STXBP5L: variants seen among roughly 807,000 people sequenced by gnomAD.
STXBP5L encodes the protein syntaxin-binding protein 5-like.
A neutral mutation model predicts 144.5 loss-of-function variants in STXBP5L; 65 were observed. That is an observed-to-expected ratio of 0.45 (90% confidence interval 0.37 to 0.55). The LOEUF (loss-of-function observed/expected upper bound fraction) is 0.55. Among genes scored for constraint, STXBP5L ranks in the 20% least tolerant of loss-of-function variants. STXBP5L has a pLI of 0.00. For synonymous variants in STXBP5L, 505 were observed against 469.6 expected, an observed-to-expected ratio of 1.08 and a Z score of -0.97; for missense variants, 1,298 against 1,405.5, an observed-to-expected ratio of 0.92 and a Z score of 1.22.
intron 7 of STXBP5L, among the ~76,000 whole-genome samples, chr3:121,123,190 A>T (rs1358291986): frequency 6.6e-6 from 1 of 151,552 alleles, no homozygotes; most frequent in Non-Finnish European, 1.5e-5. Flanking sequence ...AAAAATATTA[A>T]TTTTAAAATA....
intron 19 of STXBP5L, among the ~76,000 whole-genome samples, chr3:121,306,511 GC>G (rs2043341644): frequency 1.3e-5 from 2 of 152,112 alleles, no homozygotes. Context: ...TTTGCCCAAG[GC>G]CCAGACTAGT....
chr3:121,237,232 G>A (rs338980), intron 12 of STXBP5L, among the ~76,000 whole-genome samples: 14 of 152,108 alleles, frequency 9.2e-5, no homozygotes, highest in African/African-American at 3.1e-4. Context: ...AGCCTCCATG[G>A]CTCTTGTGTT....
At chr3:120,938,866 G>T (rs923959254) in intron 2 of STXBP5L, among the ~76,000 whole-genome samples, 14 of 151,972 alleles carry the variant, frequency 9.2e-5, no homozygotes, top group African/African-American at 3.4e-4. Context: ...CTGCAGTGTC[G>T]AACTCCTGGG....
At chr3:121,398,988 C>T (rs1369759070) in intron 22 of STXBP5L, among the ~76,000 whole-genome samples, 2 of 151,972 alleles carry the variant, frequency 1.3e-5, no homozygotes, top group African/African-American at 2.4e-5. Context: ...ACCCAGTGTC[C>T]TCCGGAAAAG....
chr3:121,057,063 G>A (rs1948513124), intron 5 of STXBP5L, among the ~76,000 whole-genome samples: 1 of 151,160 alleles, frequency 6.6e-6, no homozygotes, highest in Non-Finnish European at 1.5e-5. Flanking sequence ...TTATAAAGAA[G>A]GAAGAAAGCA....
At chr3:121,153,056 A>G (rs1457122855) in intron 8 of STXBP5L, among the ~76,000 whole-genome samples, 1 of 152,080 alleles carries the variant, frequency 6.6e-6, no homozygotes, top group African/African-American at 2.4e-5. Flanking sequence ...AATTTTGTAA[A>G]TAGTAATACT....
intron 3 of STXBP5L, among the ~76,000 whole-genome samples, chr3:121,006,399 T>G (rs180958280): frequency 4.0e-4 from 61 of 152,294 alleles, no homozygotes; most frequent in Admixed American, 1.6e-3. Flanking sequence ...GTTTTCCATT[T>G]GCTTGGTAGA....
chr3:121,389,422 G>C (rs143632524), intron 22 of STXBP5L, among the ~76,000 whole-genome samples: 39 of 152,252 alleles, frequency 2.6e-4, no homozygotes, highest in Non-Finnish European at 5.6e-4. Context: ...CTTGCCTTCT[G>C]TTAGCTTTTG....
At chr3:121,196,858 T>TGATG (rs144147521) in intron 9 of STXBP5L, among the ~76,000 whole-genome samples, 1 of 151,354 alleles carries the variant, frequency 6.6e-6, no homozygotes, top group Non-Finnish European at 1.5e-5. Flanking sequence ...ATTGATTGAT[T>TGATG]GATTGATTGA....
chr3:121,308,425 C>A (rs1056005428), intron 19 of STXBP5L, among the ~76,000 whole-genome samples: 1 of 150,150 alleles, frequency 6.7e-6, no homozygotes, highest in Non-Finnish European at 1.5e-5. Flanking sequence ...AGAAAGTGAA[C>A]CTAGATTGTA....
intron 5 of STXBP5L, among the ~76,000 whole-genome samples, chr3:121,051,390 C>A (rs1198371618): frequency 6.6e-6 from 1 of 152,162 alleles, no homozygotes; most frequent in East Asian, 1.9e-4. Flanking sequence ...AACTGTCTCT[C>A]AGACAACAGT....
At position 121,257,278 on chromosome 3, in the gene STXBP5L, A is replaced by G. The variant is rs2050238804; in HGVS notation, c.1777A>G (p.Ser593Gly). 1.9e-6 allele frequency: 3 copies of G among 1,613,780 alleles called. No homozygotes were observed. Among genetic ancestry groups the G allele is most frequent in the Non-Finnish European group, 2.5e-6 (3 of 1,179,762 alleles). ...TCCTTCTTCAAGGAGTCTTTCTGGG[A>G]GCACTAACACTGTTGCTAGTGAAGG... ...QLPSSRSLSG[S>G]TNTVASEGVT... Residue 593 changes from serine to glycine, a missense_variant, in exon 17 of 27, where the codon AGC becomes GGC. Physicochemically the swap from Ser to Gly is moderately conservative, Grantham distance 56. Coordinates refer to ENST00000471454, the MANE Select transcript of STXBP5L (RefSeq NM_001308330.2).
intron 20 of STXBP5L, among the ~76,000 whole-genome samples, chr3:121,322,218 C>T (rs1456159988): frequency 6.6e-6 from 1 of 152,158 alleles, no homozygotes; most frequent in Non-Finnish European, 1.5e-5. Context: ...GTGGCTCACG[C>T]CTGTAATCTC....
At chr3:121,012,407 T>C (rs890760936) in intron 3 of STXBP5L, among the ~76,000 whole-genome samples, 4 of 151,846 alleles carry the variant, frequency 2.6e-5, no homozygotes, top group African/African-American at 7.2e-5. Flanking sequence ...TCCAAAAAGG[T>C]TGCATGGTTT....
At chr3:121,097,438 G>T (rs114079786) in intron 5 of STXBP5L, among the ~76,000 whole-genome samples, 1 of 152,208 alleles carries the variant, frequency 6.6e-6, no homozygotes. Flanking sequence ...GGGCCCTGGT[G>T]GGGTAGGCAC....
intron 3 of STXBP5L, among the ~76,000 whole-genome samples, chr3:121,040,193 G>A (rs1162445309): frequency 1.3e-5 from 2 of 151,880 alleles, no homozygotes; most frequent in Non-Finnish European, 2.9e-5. Context: ...ACGTTTTTGA[G>A]TGCTAAAGGT....
At chr3:121,052,747 G>A (rs1429970136) in intron 5 of STXBP5L, among the ~76,000 whole-genome samples, 5 of 151,918 alleles carry the variant, frequency 3.3e-5, no homozygotes, top group Admixed American at 3.3e-4. Context: ...TCTGGCCAGG[G>A]CAATCAGGCA....
chr3:121,222,947 G>T (rs1426864589), intron 10 of STXBP5L, 56 bp from the exon 11 acceptor site: 6 of 1,537,582 alleles, frequency 3.9e-6, no homozygotes, highest in Non-Finnish European at 4.4e-6. Context: ...TCAGTCCTGT[G>T]ACTTTGTGTC....
At chr3:121,275,649 A>T (rs912081431) in intron 18 of STXBP5L, among the ~76,000 whole-genome samples, 18 of 152,026 alleles carry the variant, frequency 1.2e-4, no homozygotes, top group African/African-American at 4.3e-4. Flanking sequence ...CTACACCTTA[A>T]TTGTAGATTT....
Sources: allele counts gnomAD v4.1 joint callset (sites outside exome capture counted in the v4.1 genomes callset), GRCh38; gene constraint gnomAD v4.1.1; transcripts MANE v1.5; gene names NCBI Gene and HGNC (gene_info 2026-07-23, HGNC 2026-07-21).